Variants in CAB39L observed in about 807,000 individuals in gnomAD.
CAB39L encodes calcium-binding protein 39-like.
Under a neutral mutation model 39.1 loss-of-function variants are expected in CAB39L, and 23 were observed. That is an observed-to-expected ratio of 0.59 (90% confidence interval 0.42 to 0.83). CAB39L has a LOEUF of 0.83. Ranked by LOEUF, CAB39L falls within the 40% of genes least tolerant of loss-of-function variation. CAB39L has a pLI of 0.00. For synonymous variants in CAB39L, 126 were observed against 137.2 expected, an observed-to-expected ratio of 0.92 and a Z score of 0.57; for missense variants, 366 against 391.9, an observed-to-expected ratio of 0.93 and a Z score of 0.56.
At chr13:49,370,186 T>C (rs918808989) in intron 5 of CAB39L, among the ~76,000 whole-genome samples, 2 of 152,052 alleles carry the variant, frequency 1.3e-5, no homozygotes, top group East Asian at 1.9e-4. Context: ...AAAATTCAAA[T>C]TGGACTAATT....
chr13:49,393,496 C>T (rs1042541907), intron 3 of CAB39L, among the ~76,000 whole-genome samples: 4 of 151,924 alleles, frequency 2.6e-5, no homozygotes, highest in African/African-American at 9.7e-5. Context: ...ATCTTATAGT[C>T]ACAGAATGAT....
intron 1 of CAB39L, among the ~76,000 whole-genome samples, chr13:49,440,821 A>G (rs1023395296): frequency 4.2e-4 from 52 of 124,556 alleles, no homozygotes; most frequent in African/African-American, 1.4e-3. Context: ...TTATTGGTAT[A>G]GAAACGCTAC....
intron 3 of CAB39L, among the ~76,000 whole-genome samples, chr13:49,393,259 G>A (rs904018169): frequency 2.6e-5 from 4 of 151,990 alleles, no homozygotes; most frequent in African/African-American, 9.7e-5. Context: ...GAAATTGCCA[G>A]TCAGAAAACA....
At chr13:49,353,634 G>T (rs1955415127) in intron 6 of CAB39L, among the ~76,000 whole-genome samples, 1 of 151,860 alleles carries the variant, frequency 6.6e-6, no homozygotes, top group Non-Finnish European at 1.5e-5. Flanking sequence ...TACAATTCAG[G>T]ATTATTCTTT....
At chr13:49,370,456 C>T (rs911479060) in intron 5 of CAB39L, among the ~76,000 whole-genome samples, 5 of 152,158 alleles carry the variant, frequency 3.3e-5, no homozygotes, top group African/African-American at 1.2e-4. Flanking sequence ...TAGCACCTGG[C>T]TAAACACTGG....
At chr13:49,382,495 A>G (rs1331918988) in intron 4 of CAB39L, 1 of 174,158 alleles carries the variant, frequency 5.7e-6, no homozygotes, top group Non-Finnish European at 1.2e-5. Context: ...CAATCTTTAA[A>G]TAAAAACTTT....
At chr13:49,318,807 T>C (rs142720559) in intron 10 of CAB39L, among the ~76,000 whole-genome samples, 131 of 151,510 alleles carry the variant, frequency 8.6e-4, no homozygotes, top group Non-Finnish European at 1.5e-3. Context: ...TGGAATACAT[T>C]GTTCAAACAA....
intron 10 of CAB39L, among the ~76,000 whole-genome samples, chr13:49,313,204 A>G (rs181864606): frequency 6.6e-5 from 10 of 152,288 alleles, no homozygotes; most frequent in East Asian, 3.9e-4. Flanking sequence ...CTGCTGGGCC[A>G]GGCGCGGTGG....
At chr13:49,412,732 G>C (rs182357144) in intron 3 of CAB39L, among the ~76,000 whole-genome samples, 1 of 152,060 alleles carries the variant, frequency 6.6e-6, no homozygotes, top group South Asian at 2.1e-4. Flanking sequence ...GGATGGTTTC[G>C]GGATGAAACT....
At chr13:49,342,069 TA>T (rs1301252169) in intron 8 of CAB39L, among the ~76,000 whole-genome samples, 1 of 152,214 alleles carries the variant, frequency 6.6e-6, no homozygotes, top group Non-Finnish European at 1.5e-5. Flanking sequence ...GAGAAGTAGT[TA>T]AATATTTGTG....
At position 49,370,659 on chromosome 13, in the gene CAB39L, CACA is replaced by C. The variant is rs146242790; in HGVS notation, c.276+6305_276+6307del. Among the ~76,000 whole-genome samples the C allele has an allele frequency of 8.7e-3, 1,324 of 152,300 alleles. 8 individuals are homozygous for C. The highest frequency in any genetic ancestry group is 0.013 in the Non-Finnish European group (916 of 68,032). On this transcript the variant is annotated intron_variant, in intron 5 of 10. Coordinates refer to ENST00000409308, the MANE Select transcript of CAB39L (RefSeq NM_001079670.3). ...CCAGAAAGCAGAGGGAGTGGGCAGA[CACA>C]ACACTTTATACACAGCACAAGCAGT...
At chr13:49,334,619 C>G (rs568225715) in intron 9 of CAB39L, among the ~76,000 whole-genome samples, 147 of 152,254 alleles carry the variant, frequency 9.7e-4, no homozygotes, top group African/African-American at 3.5e-3. Context: ...TATTTGTGAC[C>G]CTGTTTAAAG....
chr13:49,356,049 A>G (rs927062103), intron 6 of CAB39L, among the ~76,000 whole-genome samples: 6 of 152,136 alleles, frequency 3.9e-5, no homozygotes, highest in African/African-American at 1.2e-4. Context: ...CCTTTTTGTC[A>G]CCTCTAGCAA....
intron 1 of CAB39L, among the ~76,000 whole-genome samples, chr13:49,436,480 C>G (rs1957416439): frequency 1.3e-5 from 2 of 149,916 alleles, no homozygotes; most frequent in Admixed American, 1.3e-4. Flanking sequence ...CATACCTTTT[C>G]TCAATGCTCC....
At chr13:49,428,296 G>A (rs1957272020) in intron 3 of CAB39L, among the ~76,000 whole-genome samples, 1 of 152,216 alleles carries the variant, frequency 6.6e-6, no homozygotes, top group Non-Finnish European at 1.5e-5. Flanking sequence ...CTGGCTACTG[G>A]CTAGAGGCTT....
At chr13:49,427,618 G>A (rs956596103) in intron 3 of CAB39L, among the ~76,000 whole-genome samples, 3 of 152,156 alleles carry the variant, frequency 2.0e-5, no homozygotes, top group East Asian at 3.9e-4. Context: ...TAGCCCAGGA[G>A]GTCAAGTCTG....
At chr13:49,414,051 C>T (rs935049783) in intron 3 of CAB39L, 3 of 152,134 alleles carry the variant, frequency 2.0e-5, no homozygotes, top group African/African-American at 4.8e-5. Context: ...TTGAACAAAC[C>T]CTTTGTGGAG....
chr13:49,401,835 T>C (rs1009134078), intron 3 of CAB39L, among the ~76,000 whole-genome samples: 1 of 152,198 alleles, frequency 6.6e-6, no homozygotes, highest in Admixed American at 6.5e-5. Flanking sequence ...CCTGCTAATA[T>C]GCTAGCTCCT....
intron 3 of CAB39L, among the ~76,000 whole-genome samples, chr13:49,393,400 A>C (rs1393088772): frequency 6.6e-6 from 1 of 152,066 alleles, no homozygotes; most frequent in East Asian, 1.9e-4. Flanking sequence ...ATAGAAAACT[A>C]ACAAATAAAA....
Sources: gnomAD v4.1 joint callset for allele counts (sites outside exome capture counted in the v4.1 genomes callset) on GRCh38, gnomAD v4.1.1 for gene constraint, MANE v1.5 for transcripts, NCBI Gene and HGNC (gene_info 2026-07-23, HGNC 2026-07-21) for gene names.